Variants in BICDL1 observed in about 807,000 individuals in gnomAD.
BICDL1 encodes the protein BICD family like cargo adaptor 1.
In BICDL1, 20 loss-of-function variants were observed where a neutral mutation model predicts 76.8. The ratio of observed to expected loss-of-function variants is 0.26; its 90% CI spans 0.18 to 0.38. The LOEUF (loss-of-function observed/expected upper bound fraction) is 0.38, where lower values mean the gene tolerates loss of function less well. BICDL1 is among the 10% of genes least tolerant of loss of function. The pLI is 1.00. For missense variants in BICDL1, 700 were observed against 798.6 expected, an observed-to-expected ratio of 0.88 and a Z score of 1.49; for synonymous variants, 383 against 337.1, an observed-to-expected ratio of 1.14 and a Z score of -1.49.
rs1952819809 is a variant in BICDL1 at position 120,049,848 on chromosome 12, ACT to A, written c.646-11859_646-11858del. ...CTTCAGTTGTCACATGTGTTCTTAA[ACT>A]CTGTCCATTAGGTTAAGAAGAAACT... On this transcript the variant is annotated intron_variant, in intron 2 of 9. Transcript: ENST00000548673. 5.9e-5 allele frequency among the ~76,000 whole-genome samples: 9 copies of A among 152,136 alleles called. No individual in the cohort carries two copies. The South Asian group carries it at 1.9e-3, about 32-fold the overall frequency.
Position 120,004,971 on chromosome 12 carries a change from G to A in BICDL1, c.645+6235G>A, listed in dbSNP as rs528401417. ...TGAGTAGCTGGGATTACAGGCGCCC[G>A]CCACTATACCCGGCTAATTTTTGGT... is the stretch of plus-strand genomic sequence containing the variant. On this transcript the variant is annotated intron_variant, in intron 2 of 9. Transcript: ENST00000548673. Among the ~76,000 whole-genome samples, 3 of 152,150 alleles carry A rather than the reference G, an allele frequency of 2.0e-5. No individual in the cohort carries two copies. In the East Asian group the frequency reaches 5.8e-4, roughly 29 times the overall value.
chr12:120,034,867 G>A (rs1026587878), intron 2 of BICDL1, among the ~76,000 whole-genome samples: 2 of 152,134 alleles, frequency 1.3e-5, no homozygotes, highest in Non-Finnish European at 2.9e-5. Context: ...AGCAGTGCAG[G>A]CCTGCCACTT....
At chr12:120,033,811 G>T (rs1409410412) in intron 2 of BICDL1, among the ~76,000 whole-genome samples, 3 of 152,006 alleles carry the variant, frequency 2.0e-5, no homozygotes, top group Non-Finnish European at 2.9e-5. Context: ...GATAGATTTA[G>T]GTCAAACATT....
intron 2 of BICDL1, among the ~76,000 whole-genome samples, chr12:120,025,254 GTTA>G (rs1307513858): frequency 1.3e-5 from 2 of 151,774 alleles, no homozygotes; most frequent in Non-Finnish European, 2.9e-5. Flanking sequence ...GTTTCACCGT[GTTA>G]GCCAGGATGG....
At chr12:120,035,377 T>G (rs1222910638) in intron 2 of BICDL1, among the ~76,000 whole-genome samples, 1 of 152,190 alleles carries the variant, frequency 6.6e-6, no homozygotes, top group East Asian at 1.9e-4. Context: ...CTGCTTATTG[T>G]GTACCAAGCA....
intron 2 of BICDL1, among the ~76,000 whole-genome samples, chr12:120,017,640 G>A (rs1952092864): frequency 6.6e-6 from 1 of 152,076 alleles, no homozygotes; most frequent in African/African-American, 2.4e-5. Flanking sequence ...ACTGAGGCAA[G>A]AGGATCACTT....
intron 2 of BICDL1, among the ~76,000 whole-genome samples, chr12:120,049,136 C>T (rs1952805547): frequency 6.6e-6 from 1 of 152,182 alleles, no homozygotes; most frequent in Admixed American, 6.5e-5. Flanking sequence ...CTGGGGTGCT[C>T]TGAGAACGCA....
At chr12:120,017,769 ATAGTTGCTCAATTAGTG>A (rs1566218925) in intron 2 of BICDL1, among the ~76,000 whole-genome samples, 3 of 152,316 alleles carry the variant, frequency 2.0e-5, no homozygotes, top group Admixed American at 2.0e-4. Flanking sequence ...TGGCCGCATA[ATAGTTGCTCAATTAGTG>A]GCAGCTAGTA....
chr12:120,021,277 C>T (rs1201315880), intron 2 of BICDL1, among the ~76,000 whole-genome samples: 2 of 148,996 alleles, frequency 1.3e-5, no homozygotes, highest in Admixed American at 6.7e-5. Flanking sequence ...GAGCAAGACT[C>T]CATCTCAAAA....
At chr12:120,019,001 C>T (rs1388916568) in intron 2 of BICDL1, 4 of 150,046 alleles carry the variant, frequency 2.7e-5, no homozygotes, top group African/African-American at 7.4e-5. Flanking sequence ...GCCGAGATCC[C>T]GCCACTGCAC....
intron 1 of BICDL1, 92 bp from the exon 2 acceptor site, chr12:119,998,429 T>C: frequency 8.9e-7 from 1 of 1,122,808 alleles, no homozygotes; most frequent in East Asian, 2.5e-5. Flanking sequence ...GTCTACTGAC[T>C]AGGAAAAAGA....
chr12:120,024,681 CTCTT>C (rs141249960), intron 2 of BICDL1, among the ~76,000 whole-genome samples: 32,422 of 150,438 alleles, frequency 0.22, 3,730 homozygotes, highest in East Asian at 0.4. Flanking sequence ...TATTTAAATC[CTCTT>C]TCTTTCTTTC....
intron 2 of BICDL1, among the ~76,000 whole-genome samples, chr12:120,028,491 A>G (rs910377899): frequency 1.3e-5 from 2 of 152,114 alleles, no homozygotes; most frequent in Non-Finnish European, 2.9e-5. Context: ...CCTGGCCAAC[A>G]TGCTGAAACC....
chr12:120,014,496 A>G (rs895260055), intron 2 of BICDL1, among the ~76,000 whole-genome samples: 3 of 152,132 alleles, frequency 2.0e-5, no homozygotes, highest in Non-Finnish European at 2.9e-5. Context: ...GATCGAGACC[A>G]TCCTGGCCAA....
At chr12:120,085,986 T>A (rs1273343057) in intron 8 of BICDL1, among the ~76,000 whole-genome samples, 1 of 141,456 alleles carries the variant, frequency 7.1e-6, no homozygotes, top group African/African-American at 2.9e-5. Context: ...AGTTGTCCAG[T>A]CTTTCTCCCT....
chr12:120,042,816 A>G (rs1474167007), intron 2 of BICDL1, among the ~76,000 whole-genome samples: 1 of 152,002 alleles, frequency 6.6e-6, no homozygotes, highest in African/African-American at 2.4e-5. Flanking sequence ...AAAAAAAAAA[A>G]AAAGACGAAG....
chr12:120,028,420 C>T (rs1243990102), intron 2 of BICDL1, among the ~76,000 whole-genome samples: 1 of 149,272 alleles, frequency 6.7e-6, no homozygotes, highest in Non-Finnish European at 1.5e-5. Context: ...CACGCCTGTA[C>T]TCTCAGCACC....
chr12:120,058,043 C>A (rs1953018620), intron 2 of BICDL1, among the ~76,000 whole-genome samples: 1 of 151,854 alleles, frequency 6.6e-6, no homozygotes, highest in Non-Finnish European at 1.5e-5. Context: ...CCGTGTTAGC[C>A]AGGATGGTCT....
intron 2 of BICDL1, among the ~76,000 whole-genome samples, chr12:120,059,611 T>C (rs1953059952): frequency 6.6e-6 from 1 of 152,148 alleles, no homozygotes; most frequent in South Asian, 2.1e-4. Flanking sequence ...GGTTTCGCCA[T>C]GTTGGCCAGG....
Sources: gnomAD v4.1 joint callset for allele counts (sites outside exome capture counted in the v4.1 genomes callset) on GRCh38, gnomAD v4.1.1 for gene constraint, MANE v1.5 for transcripts, NCBI Gene and HGNC (gene_info 2026-07-23, HGNC 2026-07-21) for gene names.